Variants in AOAH observed in about 807,000 individuals in gnomAD.
The protein encoded by AOAH is acyloxyacyl hydrolase.
AOAH carries 64 observed loss-of-function variants against 92.2 expected under a neutral mutation model. The ratio of observed to expected loss-of-function variants is 0.69; its 90% CI spans 0.57 to 0.86. The LOEUF is 0.86. AOAH is among the 40% of genes least tolerant of loss of function. The probability of loss-of-function intolerance (pLI) is 0.00; values close to 1 mark genes in which losing one functional copy is unlikely to be tolerated. For missense variants in AOAH, 656 were observed against 694.6 expected (o/e 0.94, Z 0.62); for synonymous variants, 263 against 254.5 (o/e 1.03, Z -0.32).
intron 1 of AOAH, among the ~76,000 whole-genome samples, chr7:36,706,829 T>C (rs545934869): frequency 6.6e-6 from 1 of 152,134 alleles, no homozygotes; most frequent in Non-Finnish European, 1.5e-5. Flanking sequence ...AGTTTTATAC[T>C]TTTTTTCCAG....
At chr7:36,605,392 T>C (rs778523427) in intron 11 of AOAH, among the ~76,000 whole-genome samples, 1 of 152,168 alleles carries the variant, frequency 6.6e-6, no homozygotes, top group Admixed American at 6.5e-5. Context: ...ATGAGCTCCA[T>C]TTGATGGCTA....
At chr7:36,680,159 G>A (rs1369543171) in intron 2 of AOAH, among the ~76,000 whole-genome samples, 5 of 152,112 alleles carry the variant, frequency 3.3e-5, no homozygotes, top group African/African-American at 4.8e-5. Flanking sequence ...GTTGACCCCT[G>A]ACTAGTGAGA....
chr7:36,593,020 C>T (rs574840771), intron 12 of AOAH, among the ~76,000 whole-genome samples: 1 of 152,262 alleles, frequency 6.6e-6, no homozygotes, highest in African/African-American at 2.4e-5. Context: ...CTTCTATGCC[C>T]CTTTTATGAC....
chr7:36,518,097 G>A (rs998333396), intron 20 of AOAH, among the ~76,000 whole-genome samples: 1 of 152,112 alleles, frequency 6.6e-6, no homozygotes, highest in African/African-American at 2.4e-5. Context: ...AATGCATACA[G>A]TTGAATCATT....
intron 12 of AOAH, among the ~76,000 whole-genome samples, chr7:36,577,922 T>C (rs1788641338): frequency 1.3e-5 from 2 of 152,236 alleles, no homozygotes; most frequent in Non-Finnish European, 2.9e-5. Context: ...AGCTTACTAA[T>C]TGTATTACAG....
chr7:36,715,055 A>G (rs559914175), intron 1 of AOAH, among the ~76,000 whole-genome samples: 4 of 152,316 alleles, frequency 2.6e-5, no homozygotes, highest in African/African-American at 9.6e-5. Context: ...TTTGCAGATG[A>G]CATGATTGTA....
Position 36,609,732 on chromosome 7 carries a change from T to C in AOAH, c.846+6648A>G, listed in dbSNP as rs543486043. On this transcript the variant is annotated intron_variant, in intron 11 of 20. Coordinates refer to ENST00000617537, the MANE Select transcript of AOAH (RefSeq NM_001637.4). The stretch of plus-strand genomic sequence containing the variant: ...CACTAATGGCTCTAGAACTGCTACT[T>C]CTTCGTCCGCATTGCCCCATGGGGT... Among the ~76,000 whole-genome samples, 15 of 152,170 alleles carry C rather than the reference T, an allele frequency of 9.9e-5. 1 individual carries two copies. The East Asian group carries it at 1.6e-3, about 16-fold the overall frequency.
At chr7:36,560,407 C>G (rs981151311) in intron 13 of AOAH, among the ~76,000 whole-genome samples, 1 of 152,120 alleles carries the variant, frequency 6.6e-6, no homozygotes, top group African/African-American at 2.4e-5. Context: ...TCCATGATTT[C>G]TTCCAGCAAC....
At chr7:36,692,856 C>G (rs1315559160) in intron 1 of AOAH, among the ~76,000 whole-genome samples, 1 of 152,104 alleles carries the variant, frequency 6.6e-6, no homozygotes, top group East Asian at 1.9e-4. Context: ...GATAGAGGAA[C>G]CTGGTAGTGC....
rs375732403 is a variant in AOAH, at chr7:36,585,435, C to T, written c.939-8779G>A. 6.6e-5 allele frequency among the ~76,000 whole-genome samples: 10 copies of T among 152,074 alleles called. No individual in the cohort carries two copies. In the East Asian group the frequency reaches 1.3e-3, roughly 20 times the overall value. The stretch of plus-strand genomic sequence containing the variant: ...TGTGGGAATATAAATTGGTATAGCC[C>T]ATTTGGAGGCCTTATTAAAATTAAA... On this transcript the variant is annotated intron_variant, in intron 12 of 20. Coordinates refer to ENST00000617537, the MANE Select transcript of AOAH (RefSeq NM_001637.4).
At chr7:36,532,427 T>C in intron 16 of AOAH, 83 bp from the exon 17 acceptor site, 1 of 1,266,844 alleles carries the variant, frequency 7.9e-7, no homozygotes, top group Non-Finnish European at 1.2e-6. Flanking sequence ...CCTGCCTCCC[T>C]TGCAGAAAGT....
At chr7:36,537,063 C>T (rs747386228) in intron 16 of AOAH, among the ~76,000 whole-genome samples, 29 of 151,350 alleles carry the variant, frequency 1.9e-4, no homozygotes, top group Non-Finnish European at 3.4e-4. Flanking sequence ...CTGGGGATGC[C>T]GGATAAATCC....
Position 36,632,123 on chromosome 7 carries a change from A to C in AOAH, c.451-17T>G. 6.3e-7 allele frequency: 1 copy of C among 1,598,502 alleles called. No individual in the cohort carries two copies. The highest frequency in any genetic ancestry group is 8.5e-7 in the Non-Finnish European group (1 of 1,173,202). On this transcript the variant is annotated splice_polypyrimidine_tract_variant and intron_variant, in intron 5 of 20. Coordinates refer to ENST00000617537, the MANE Select transcript of AOAH (RefSeq NM_001637.4). ...AGAATATTTCTGGGGAGAAAAAAAA[A>C]AACAAAAAGAGAGTTGTTTAGTTTA...
intron 3 of AOAH, among the ~76,000 whole-genome samples, chr7:36,660,338 CAG>C (rs1271021890): frequency 1.3e-5 from 2 of 152,236 alleles, no homozygotes; most frequent in East Asian, 3.9e-4. Context: ...TTTTTTGACG[CAG>C]AGTCTTGCTC....
intron 20 of AOAH, among the ~76,000 whole-genome samples, chr7:36,513,783 G>T (rs1286078603): frequency 6.6e-6 from 1 of 152,208 alleles, no homozygotes; most frequent in Non-Finnish European, 1.5e-5. Context: ...TTCTTCCCCA[G>T]ATGAGTCCCC....
chr7:36,645,233 GGGA>G (rs772627498), intron 4 of AOAH, among the ~76,000 whole-genome samples: 6 of 152,138 alleles, frequency 3.9e-5, no homozygotes, highest in Non-Finnish European at 7.4e-5. Context: ...CCCTCACAAT[GGGA>G]GGAGTGCCCT....
At chr7:36,570,792 G>A (rs980129848) in intron 13 of AOAH, among the ~76,000 whole-genome samples, 1 of 152,072 alleles carries the variant, frequency 6.6e-6, no homozygotes, top group African/African-American at 2.4e-5. Context: ...TTTTTCAGTT[G>A]GCAAGCTGGA....
intron 11 of AOAH, chr7:36,598,063 G>T (rs1265738826): frequency 6.6e-6 from 1 of 152,194 alleles, no homozygotes; most frequent in Non-Finnish European, 1.5e-5. Context: ...TGGGAAAACG[G>T]CAGGCAATCC....
chr7:36,631,444 T>A (rs1793093034), intron 6 of AOAH, among the ~76,000 whole-genome samples: 1 of 152,088 alleles, frequency 6.6e-6, no homozygotes, highest in South Asian at 2.1e-4. Flanking sequence ...GCTTCACCCT[T>A]TAATGTTTTG....
Sources: gnomAD v4.1 joint callset for allele counts (sites outside exome capture counted in the v4.1 genomes callset) on GRCh38, gnomAD v4.1.1 for gene constraint, MANE v1.5 for transcripts, NCBI Gene and HGNC (gene_info 2026-07-23, HGNC 2026-07-21) for gene names.